Variants in COL19A1 observed in about 807,000 individuals in gnomAD.
COL19A1 encodes collagen type XIX alpha 1 chain, also known as collagen alpha-1(XIX) chain.
A neutral mutation model predicts 190.2 loss-of-function variants in COL19A1; 159 were observed. The ratio of observed to expected loss-of-function variants is 0.84; its 90% CI spans 0.73 to 0.95. The LOEUF (loss-of-function observed/expected upper bound fraction) is 0.95. Among genes scored for constraint, COL19A1 ranks in the 40% least tolerant of loss-of-function variants. The pLI is 0.00. For missense variants in COL19A1, 1,418 were observed against 1,431.9 expected, an observed-to-expected ratio of 0.99 and a Z score of 0.16; for synonymous variants, 509 against 458.9, an observed-to-expected ratio of 1.11 and a Z score of -1.39.
chr6:69,924,011 A>G (rs967565289), intron 4 of COL19A1, among the ~76,000 whole-genome samples: 2 of 152,202 alleles, frequency 1.3e-5, no homozygotes, highest in Admixed American at 6.6e-5. Context: ...AGCAACAATA[A>G]AGACAACAGA....
chr6:70,099,262 C>T (rs1472847970), intron 15 of COL19A1, among the ~76,000 whole-genome samples: 1 of 151,848 alleles, frequency 6.6e-6, no homozygotes, highest in East Asian at 1.9e-4. Flanking sequence ...ACAGATTGAG[C>T]ATCCCTAATC....
chr6:70,148,046 G>C (rs955995390), intron 27 of COL19A1, among the ~76,000 whole-genome samples: 2 of 152,086 alleles, frequency 1.3e-5, no homozygotes, highest in African/African-American at 4.8e-5. Flanking sequence ...CAGTCCCCAC[G>C]GAGTTGGGGT....
chr6:69,980,850 C>T (rs1309412980), intron 11 of COL19A1, among the ~76,000 whole-genome samples: 2 of 152,176 alleles, frequency 1.3e-5, no homozygotes, highest in East Asian at 1.9e-4. Flanking sequence ...CCACCTGTTG[C>T]TGGATGTGAT....
chr6:69,993,679 T>C (rs1776745669), intron 11 of COL19A1, among the ~76,000 whole-genome samples: 1 of 152,122 alleles, frequency 6.6e-6, no homozygotes, highest in African/African-American at 2.4e-5. Flanking sequence ...TCTGGTTCAA[T>C]CTTGGGAGGT....
intron 16 of COL19A1, among the ~76,000 whole-genome samples, chr6:70,115,472 T>C (rs1162093972): frequency 1.3e-5 from 2 of 152,204 alleles, no homozygotes; most frequent in African/African-American, 4.8e-5. Context: ...TGTGAAAACA[T>C]GAACCTTTAG....
Position 70,121,873 on chromosome 6 carries a change from A to T in COL19A1, c.1279-7A>T. ...ATATATTTGTCTTTGATTTGTTTATAATACAGGGACCTCCTGGAATACAAG... is the reference window on the plus strand; with the variant it reads ...ATATATTTGTCTTTGATTTGTTTATTATACAGGGACCTCCTGGAATACAAG... On this transcript the variant is annotated splice_region_variant and splice_polypyrimidine_tract_variant and intron_variant, in intron 16 of 50. Transcript: ENST00000620364. 6.4e-7 allele frequency: 1 copy of T among 1,556,124 alleles called. No individual in the cohort carries two copies. Among genetic ancestry groups the T allele is most frequent in the Non-Finnish European group, 8.7e-7 (1 of 1,146,454 alleles).
intron 44 of COL19A1, among the ~76,000 whole-genome samples, chr6:70,181,998 G>T (rs1766206582): frequency 6.6e-6 from 1 of 152,198 alleles, no homozygotes; most frequent in Admixed American, 6.5e-5. Context: ...ATGAAGTTTG[G>T]ATTTCATTTG....
intron 40 of COL19A1, among the ~76,000 whole-genome samples, chr6:70,171,389 T>A (rs1457582255): frequency 6.6e-6 from 1 of 152,160 alleles, no homozygotes; most frequent in Non-Finnish European, 1.5e-5. Flanking sequence ...TAAAGATTTT[T>A]AAAAATAGAA....
chr6:70,146,550 G>T lies in COL19A1; in HGVS notation c.1771-109G>T, dbSNP rs540602490. 1,128 of 718,750 alleles carry T rather than the reference G, an allele frequency of 1.6e-3. 2 individuals are homozygous for T. The highest frequency in any genetic ancestry group is 2.1e-3 in the Non-Finnish European group (1,022 of 480,388). 44.5% of individuals were successfully genotyped at this position (718,750 alleles called of 1,614,324 possible). A position where few individuals can be genotyped will look rare whatever the true frequency, so the allele number is the denominator to read the frequency against. ...CGTTCCTTATTCTTTTATAGAAAAAGATTTATTCAAGCAAGATGAAGAGTG... is the reference window on the plus strand; with the variant it reads ...CGTTCCTTATTCTTTTATAGAAAAATATTTATTCAAGCAAGATGAAGAGTG... On this transcript the variant is annotated intron_variant, in intron 25 of 50. Coordinates refer to ENST00000620364, the MANE Select transcript of COL19A1 (RefSeq NM_001858.6).
intron 11 of COL19A1, among the ~76,000 whole-genome samples, chr6:69,993,315 T>A (rs1776726691): frequency 6.6e-6 from 1 of 152,178 alleles, no homozygotes; most frequent in East Asian, 1.9e-4. Context: ...GCCTACTTGA[T>A]CATGGATGAT....
At chr6:69,966,062 A>G (rs1346284052) in intron 11 of COL19A1, among the ~76,000 whole-genome samples, 1 of 152,212 alleles carries the variant, frequency 6.6e-6, no homozygotes, top group Non-Finnish European at 1.5e-5. Context: ...CAGCCTTCCC[A>G]GCAATGATTT....
At chr6:69,916,721 T>TGAAATATAGAG (rs1771334355) in intron 4 of COL19A1, among the ~76,000 whole-genome samples, 1 of 152,264 alleles carries the variant, frequency 6.6e-6, no homozygotes, top group Admixed American at 6.5e-5. Flanking sequence ...TTAATATATT[T>TGAAATATAGAG]ACTTATATCC....
At position 70,151,409 on chromosome 6, in the gene COL19A1, C is replaced by T. The variant is rs765477557; in HGVS notation, c.2050C>T (p.Leu684Phe). 8.7e-6 allele frequency: 14 copies of T among 1,612,670 alleles called. No individual in the cohort carries two copies. The highest frequency in any genetic ancestry group is 4.5e-5 in the East Asian group (2 of 44,816). ...GPPGDPIALP[L>F]LGDIGALLKN... ...TTCTTAACCACAGATTGCACTTCCTCTCTTGGGAGACATCGGTGCTTTGCT... is the reference window on the plus strand; with the variant it reads ...TTCTTAACCACAGATTGCACTTCCTTTCTTGGGAGACATCGGTGCTTTGCT... The change falls in exon 31 of 51, where the codon CTC (leucine) becomes TTC (phenylalanine). Residue 684 changes from leucine to phenylalanine, a missense_variant. Coordinates refer to ENST00000620364, the MANE Select transcript of COL19A1 (RefSeq NM_001858.6).
intron 11 of COL19A1, among the ~76,000 whole-genome samples, chr6:69,973,570 G>C (rs1582570505): frequency 6.6e-6 from 1 of 151,974 alleles, no homozygotes; most frequent in East Asian, 1.9e-4. Context: ...TTTGTTATGA[G>C]GTTTATACAC....
chr6:70,045,990 A>G (rs1779891394), intron 14 of COL19A1, among the ~76,000 whole-genome samples: 1 of 152,172 alleles, frequency 6.6e-6, no homozygotes, highest in African/African-American at 2.4e-5. Flanking sequence ...CATGTTGTTC[A>G]GTATTTATAG....
intron 19 of COL19A1, among the ~76,000 whole-genome samples, chr6:70,139,259 C>G (rs1016859515): frequency 6.6e-6 from 1 of 152,030 alleles, no homozygotes; most frequent in Non-Finnish European, 1.5e-5. Context: ...GTTATTGGTC[C>G]ATGGACCACA....
chr6:70,054,093 T>C (rs1780362075), intron 14 of COL19A1, among the ~76,000 whole-genome samples: 1 of 152,188 alleles, frequency 6.6e-6, no homozygotes, highest in African/African-American at 2.4e-5. Context: ...GCTCACGCCT[T>C]AATCCCAGCA....
intron 40 of COL19A1, 82 bp from the exon 41 acceptor site, chr6:70,171,882 C>A (rs1210087480): frequency 2.9e-6 from 4 of 1,367,474 alleles, no homozygotes; most frequent in Non-Finnish European, 3.1e-6. Context: ...GAAGGTTAAG[C>A]AAAAAAATCT....
At chr6:70,001,888 AT>A (rs1325045539) in intron 11 of COL19A1, among the ~76,000 whole-genome samples, 1 of 152,146 alleles carries the variant, frequency 6.6e-6, no homozygotes, top group African/African-American at 2.4e-5. Flanking sequence ...CCTGGCCAAA[AT>A]TTCTGATACT....
Sources: gnomAD v4.1 joint callset for allele counts (sites outside exome capture counted in the v4.1 genomes callset) on GRCh38, gnomAD v4.1.1 for gene constraint, MANE v1.5 for transcripts, NCBI Gene and HGNC (gene_info 2026-07-23, HGNC 2026-07-21) for gene names.